NFIA: variants seen among roughly 807,000 people sequenced by gnomAD.
NFIA encodes nuclear factor I A.
NFIA carries 8 observed loss-of-function variants against 62.8 expected under a neutral mutation model. That is an observed-to-expected ratio of 0.13 (90% CI 0.07 to 0.23). NFIA has a LOEUF of 0.23. NFIA is among the 10% of genes least tolerant of loss of function. NFIA has a pLI of 1.00. For missense variants in NFIA, 410 were observed against 642.1 expected, an observed-to-expected ratio of 0.64 and a Z score of 3.91; for synonymous variants, 235 against 238.1, an observed-to-expected ratio of 0.99 and a Z score of 0.12.
At chr1:61,309,557 C>A (rs1412492770) in intron 3 of NFIA, among the ~76,000 whole-genome samples, 1 of 151,492 alleles carries the variant, frequency 6.6e-6, no homozygotes. Flanking sequence ...AGGTTCTCAT[C>A]AGTTCAAGGA....
At chr1:61,186,624 A>ATT (rs1651202401) in intron 2 of NFIA, among the ~76,000 whole-genome samples, 1 of 152,238 alleles carries the variant, frequency 6.6e-6, no homozygotes, top group Non-Finnish European at 1.5e-5. Flanking sequence ...TCTGTTAAGT[A>ATT]GACAGCAAAG....
chr1:61,159,615 A>G (rs1649041202), intron 2 of NFIA, among the ~76,000 whole-genome samples: 1 of 151,150 alleles, frequency 6.6e-6, no homozygotes, highest in Non-Finnish European at 1.5e-5. Context: ...TAAAATTGGG[A>G]TATTAATCTT....
intron 9 of NFIA, among the ~76,000 whole-genome samples, chr1:61,407,211 T>C (rs1665884219): frequency 6.6e-6 from 1 of 152,092 alleles, no homozygotes; most frequent in South Asian, 2.1e-4. Context: ...ACACTGACCA[T>C]TCGCTGAGAG....
intron 2 of NFIA, among the ~76,000 whole-genome samples, chr1:61,107,569 T>G (rs1433806799): frequency 6.6e-6 from 1 of 151,682 alleles, no homozygotes; most frequent in Admixed American, 6.6e-5. Flanking sequence ...GATTCTGCAT[T>G]CTAATTTTTG....
chr1:61,449,998 G>A (rs1667989367), intron 10 of NFIA, among the ~76,000 whole-genome samples: 2 of 152,186 alleles, frequency 1.3e-5, no homozygotes, highest in Admixed American at 1.3e-4. Flanking sequence ...TGGAAAAAGT[G>A]ACACCAATCC....
chr1:61,418,899 A>G (rs1249457273), intron 9 of NFIA, among the ~76,000 whole-genome samples: 1 of 152,234 alleles, frequency 6.6e-6, no homozygotes. Flanking sequence ...AGCAAACTCC[A>G]GCTGAATCCA....
intron 6 of NFIA, among the ~76,000 whole-genome samples, chr1:61,380,732 G>T (rs1664374580): frequency 6.6e-6 from 1 of 152,032 alleles, no homozygotes. Context: ...ACAGCCTTAG[G>T]GTTCATATTA....
chr1:61,352,350 A>G (rs926838903), intron 4 of NFIA, 100 bp from the exon 5 acceptor site: 8 of 793,516 alleles, frequency 1.0e-5, no homozygotes, highest in Admixed American at 2.2e-5. Context: ...TTACATATAA[A>G]TGCAAAAAGA....
In NFIA at chr1:61,258,858, G is replaced by A. The variant is rs991884736; in HGVS notation, c.560-18662G>A. ...TCTTCCCACCTCAGCCTTCTAAGTA[G>A]CTGGGATTACAGGCACACATCACCA... On this transcript the variant is annotated intron_variant, in intron 2 of 10. Transcript: ENST00000403491. 3.3e-5 allele frequency among the ~76,000 whole-genome samples: 5 copies of A among 152,018 alleles called. No individual in the cohort carries two copies. The East Asian group carries it at 5.8e-4, about 18-fold the overall frequency.
chr1:61,453,937 T>C (rs1471660025), intron 10 of NFIA, among the ~76,000 whole-genome samples: 3 of 152,236 alleles, frequency 2.0e-5, no homozygotes, highest in African/African-American at 7.2e-5. Context: ...TCTGAAAGTC[T>C]ACAGGATGCG....
chr1:61,372,813 T>G (rs954249213), intron 6 of NFIA, among the ~76,000 whole-genome samples: 3 of 152,140 alleles, frequency 2.0e-5, no homozygotes, highest in African/African-American at 7.2e-5. Flanking sequence ...TGAAGTATTT[T>G]TAAGCTTTGA....
chr1:61,181,342 C>T (rs1185930220), intron 2 of NFIA, among the ~76,000 whole-genome samples: 1 of 152,186 alleles, frequency 6.6e-6, no homozygotes, highest in Non-Finnish European at 1.5e-5. Context: ...AGCTTACAGA[C>T]AGTAATGTAC....
chr1:61,435,394 T>C (rs1165006252), intron 10 of NFIA, among the ~76,000 whole-genome samples: 1 of 152,062 alleles, frequency 6.6e-6, no homozygotes, highest in African/African-American at 2.4e-5. Context: ...TGTGAGTGAG[T>C]GGTTGTTGGC....
intron 3 of NFIA, among the ~76,000 whole-genome samples, chr1:61,324,550 G>C (rs1272542223): frequency 1.3e-5 from 2 of 152,174 alleles, no homozygotes; most frequent in East Asian, 1.9e-4. Flanking sequence ...TTCCTTCTCA[G>C]ATGCAAAATT....
intron 2 of NFIA, among the ~76,000 whole-genome samples, chr1:61,186,967 G>T (rs1356489637): frequency 1.3e-5 from 2 of 152,086 alleles, no homozygotes; most frequent in African/African-American, 4.8e-5. Context: ...AGTCACTTTG[G>T]CATCCCAGTG....
At chr1:61,396,421 A>G (rs1043846125) in intron 7 of NFIA, among the ~76,000 whole-genome samples, 2 of 151,970 alleles carry the variant, frequency 1.3e-5, no homozygotes, top group Non-Finnish European at 2.9e-5. Context: ...CATTTTTAAA[A>G]TTTTTTGTAG....
chr1:61,204,868 C>CT (rs5774545), intron 2 of NFIA, among the ~76,000 whole-genome samples: 11,174 of 152,122 alleles, frequency 0.073, 586 homozygotes, highest in South Asian at 0.16. Context: ...TTAGGTAGAG[C>CT]TTTTTTCTCT....
chr1:61,223,632 C>T (rs1003743742), intron 2 of NFIA, among the ~76,000 whole-genome samples: 1 of 151,876 alleles, frequency 6.6e-6, no homozygotes, highest in Admixed American at 6.6e-5. Flanking sequence ...TCCACGATTC[C>T]AGAATTGTTT....
At chr1:61,292,070 G>A (rs538288338) in intron 3 of NFIA, among the ~76,000 whole-genome samples, 20 of 152,262 alleles carry the variant, frequency 1.3e-4, no homozygotes, top group Admixed American at 2.6e-4. Flanking sequence ...AGGATACCTC[G>A]CAGACCATGG....
Sources: allele counts gnomAD v4.1 joint callset (sites outside exome capture counted in the v4.1 genomes callset), GRCh38; gene constraint gnomAD v4.1.1; transcripts MANE v1.5; gene names NCBI Gene and HGNC (gene_info 2026-07-23, HGNC 2026-07-21).